PCDHGA9: variants seen among roughly 807,000 people sequenced by gnomAD.
PCDHGA9 encodes the protein protocadherin gamma-A9.
Under a neutral mutation model 62.5 loss-of-function variants are expected in PCDHGA9, and 37 were observed. The observed-to-expected ratio is 0.59, with a 90% CI of 0.46 to 0.78. The LOEUF is 0.78. PCDHGA9 is among the 30% of genes least tolerant of loss of function. PCDHGA9 has a pLI of 0.00. For synonymous variants in PCDHGA9, 459 were observed against 484.6 expected (o/e 0.95, Z 0.69); for missense variants, 1,138 against 1,166.2 (o/e 0.98, Z 0.35).
chr5:141,431,002 C>A lies in PCDHGA9; in HGVS notation c.2424+25626C>A, dbSNP rs1055964066. The A allele has an allele frequency of 6.2e-7, 1 of 1,613,836 alleles. No individual in the cohort carries two copies. Among genetic ancestry groups the A allele is most frequent in the Admixed American group, 1.7e-5 (1 of 59,990 alleles). The stretch of plus-strand genomic sequence containing the variant: ...AGCTTTTCGCCCTGAATCCGCGCAG[C>A]GGCAGCTTGGTCACGGCGGGCAGGA... On this transcript the variant is annotated intron_variant, in intron 1 of 3. Transcript: ENST00000573521. The surrounding 1 kb of genome is among the most constrained non-coding windows in gnomAD (Gnocchi z 4.8).
At chr5:141,497,969 C>T (rs1595499086) in intron 2 of PCDHGA9, among the ~76,000 whole-genome samples, 1 of 152,160 alleles carries the variant, frequency 6.6e-6, no homozygotes. Flanking sequence ...GCAGTGTTCT[C>T]GATGTGGGAG....
intron 1 of PCDHGA9, among the ~76,000 whole-genome samples, chr5:141,407,609 TG>T (rs2094960291): frequency 1.3e-5 from 2 of 152,162 alleles, no homozygotes; most frequent in Admixed American, 1.3e-4. Flanking sequence ...AAAGAAGCAT[TG>T]GTTGACATTC....
At chr5:141,408,052 C>T in intron 1 of PCDHGA9, 1 of 1,283,102 alleles carries the variant, frequency 7.8e-7, no homozygotes, top group Non-Finnish European at 1.0e-6. Context: ...CACACAGAGC[C>T]TCCCGGCTGC....
intron 1 of PCDHGA9, among the ~76,000 whole-genome samples, chr5:141,436,923 T>C (rs2097854286): frequency 6.6e-6 from 1 of 152,224 alleles, no homozygotes; most frequent in African/African-American, 2.4e-5. Flanking sequence ...GAGTGTTACT[T>C]TTTCTTTGTC....
rs746838072 is a variant in PCDHGA9 at position 141,486,116 on chromosome 5, T to A, written c.2425-8691T>A. ...GCCCCTAGACTTTGAGAGTGAGAATTACTATGAATTTGATGTGCGGGCTCG... is the reference window on the plus strand; with the variant it reads ...GCCCCTAGACTTTGAGAGTGAGAATAACTATGAATTTGATGTGCGGGCTCG... On this transcript the variant is annotated intron_variant, in intron 1 of 3. Coordinates refer to ENST00000573521, the MANE Select transcript of PCDHGA9 (RefSeq NM_018921.3). This position sits in a 1 kb window ranked among gnomAD's most constrained non-coding sequence, Gnocchi z 5.0. 1.1e-5 allele frequency: 17 copies of A among 1,613,638 alleles called. No homozygotes were observed. Among genetic ancestry groups the A allele is most frequent in the Non-Finnish European group, 1.4e-5 (17 of 1,179,610 alleles).
Position 141,477,531 on chromosome 5 carries a change from C to G in PCDHGA9, c.2425-17276C>G. ...GTTTACATTGAAGAAAACAACCTCC[C>G]CGGGGCTCCAATACTAAACCTAAGT... On this transcript the variant is annotated intron_variant, in intron 1 of 3. Coordinates refer to ENST00000573521, the MANE Select transcript of PCDHGA9 (RefSeq NM_018921.3). This position sits in a 1 kb window ranked among gnomAD's most constrained non-coding sequence, Gnocchi z 4.9. The G allele has an allele frequency of 6.2e-7, 1 of 1,614,162 alleles. No homozygotes were observed. Among genetic ancestry groups the G allele is most frequent in the South Asian group, 1.1e-5 (1 of 91,086 alleles).
chr5:141,478,323 G>A, intron 1 of PCDHGA9: 2 of 1,613,958 alleles, frequency 1.2e-6, no homozygotes, highest in Non-Finnish European at 8.5e-7. Flanking sequence ...TCACTGTACC[G>A]AACACCAGGG....
Position 141,403,905 on chromosome 5 carries a change from A to G in PCDHGA9, c.953A>G (p.Glu318Gly). ...DYEECSFYEM[E>G]IQAEDGGGLK... Reference sequence around the variant, plus strand: ...GAAGAATGTTCATTTTATGAAATGGAAATACAAGCTGAAGATGGTGGGGGA... The same window carrying G: ...GAAGAATGTTCATTTTATGAAATGGGAATACAAGCTGAAGATGGTGGGGGA... Residue 318 changes from glutamate to glycine, a missense_variant, in exon 1 of 4, where the codon GAA becomes GGA. By Grantham distance (98) the Glu-to-Gly change is moderately conservative. Coordinates refer to ENST00000573521, the MANE Select transcript of PCDHGA9 (RefSeq NM_018921.3). The G allele has an allele frequency of 6.2e-7, 1 of 1,613,894 alleles. No individual in the cohort carries two copies. Among genetic ancestry groups the G allele is most frequent in the Non-Finnish European group, 8.5e-7 (1 of 1,179,890 alleles).
intron 3 of PCDHGA9, among the ~76,000 whole-genome samples, chr5:141,506,045 C>G (rs1379226123): frequency 6.6e-6 from 1 of 152,078 alleles, no homozygotes; most frequent in Non-Finnish European, 1.5e-5. Flanking sequence ...TCTGGTTTTC[C>G]CATAAGGTTG....
chr5:141,419,243 C>T (rs959206942), intron 1 of PCDHGA9: 2 of 1,613,998 alleles, frequency 1.2e-6, no homozygotes, highest in East Asian at 4.5e-5. Flanking sequence ...GGTCCACGTG[C>T]CAGAAAACAA....
chr5:141,414,271 C>T (rs1561747971), intron 1 of PCDHGA9: 3 of 1,613,292 alleles, frequency 1.9e-6, no homozygotes, highest in East Asian at 2.2e-5. Context: ...AGATTCACCT[C>T]TGGGAACAGT....
At chr5:141,471,802 A>G (rs2154571076) in intron 1 of PCDHGA9, among the ~76,000 whole-genome samples, 1 of 152,362 alleles carries the variant, frequency 6.6e-6, no homozygotes, top group African/African-American at 2.4e-5. Context: ...TATAAAAGAC[A>G]TATAAAAGAC....
At chr5:141,499,186 T>A (rs1332703037) in intron 2 of PCDHGA9, among the ~76,000 whole-genome samples, 2 of 152,036 alleles carry the variant, frequency 1.3e-5, no homozygotes, top group Non-Finnish European at 2.9e-5. Context: ...AGCAAACCAT[T>A]TCCCCCTTCT....
At chr5:141,480,285 T>C (rs1369369395) in intron 1 of PCDHGA9, among the ~76,000 whole-genome samples, 1 of 151,924 alleles carries the variant, frequency 6.6e-6, no homozygotes, top group East Asian at 1.9e-4. Flanking sequence ...TGTGTTGGCA[T>C]GCACCTGTGG....
intron 1 of PCDHGA9, among the ~76,000 whole-genome samples, chr5:141,456,818 G>A (rs1214373156): frequency 1.3e-5 from 2 of 151,890 alleles, no homozygotes; most frequent in Admixed American, 6.6e-5. Context: ...CAAAAAATTA[G>A]CCATCGTGGT....
chr5:141,428,797 G>A (rs2097161930), intron 1 of PCDHGA9: 1 of 152,310 alleles, frequency 6.6e-6, no homozygotes, highest in Admixed American at 6.5e-5. Context: ...TTCTGTGTGG[G>A]CCAGTAACTT....
At position 141,485,930 on chromosome 5, in the gene PCDHGA9, G is replaced by C; in HGVS notation, c.2425-8877G>C. ...ATCCAGCTACAGGATTAGTGTGTTGGAGAGCGCACCAGCGGGCATGGTGCT... is the reference window on the plus strand; with the variant it reads ...ATCCAGCTACAGGATTAGTGTGTTGCAGAGCGCACCAGCGGGCATGGTGCT... On this transcript the variant is annotated intron_variant, in intron 1 of 3. Coordinates refer to ENST00000573521, the MANE Select transcript of PCDHGA9 (RefSeq NM_018921.3). The surrounding 1 kb of genome is among the most constrained non-coding windows in gnomAD (Gnocchi z 5.7). 6.2e-7 allele frequency: 1 copy of C among 1,614,178 alleles called. No homozygotes were observed. The highest frequency in any genetic ancestry group is 8.5e-7 in the Non-Finnish European group (1 of 1,180,042).
rs994878374 is a variant in PCDHGA9, at chr5:141,491,785, C to T, written c.2425-3022C>T. ...TCCTCATAAGGGATTGAACTTGCAT[C>T]CACTCCTCTCCGGCCGGCTTGGTCG... is the stretch of plus-strand genomic sequence containing the variant. On this transcript the variant is annotated intron_variant, in intron 1 of 3. Transcript: ENST00000573521. The surrounding 1 kb of genome is among the most constrained non-coding windows in gnomAD (Gnocchi z 6.9). 20 of 1,529,458 alleles carry T rather than the reference C, an allele frequency of 1.3e-5. No individual in the cohort carries two copies. Among genetic ancestry groups the T allele is most frequent in the Non-Finnish European group, 1.8e-5 (20 of 1,139,198 alleles). The allele number at this position is 1,529,458 out of a possible 1,614,324, so 94.7% of individuals were successfully genotyped here. A position where few individuals can be genotyped will look rare whatever the true frequency, so the allele number is the denominator to read the frequency against.
intron 2 of PCDHGA9, among the ~76,000 whole-genome samples, chr5:141,497,706 A>G (rs2099778850): frequency 6.6e-6 from 1 of 151,956 alleles, no homozygotes; most frequent in Middle Eastern, 3.2e-3. Flanking sequence ...CACCCAGCTC[A>G]TTTTTGTATT....
Sources: allele counts gnomAD v4.1 joint callset (sites outside exome capture counted in the v4.1 genomes callset), GRCh38; gene constraint gnomAD v4.1.1; non-coding constraint Gnocchi (gnomAD v3.1); transcripts MANE v1.5; gene names NCBI Gene and HGNC (gene_info 2026-07-23, HGNC 2026-07-21).